Variants in ATP6V1H observed in about 807,000 individuals in gnomAD.
ATP6V1H encodes the protein ATPase H+ transporting V1 subunit H.
Under a neutral mutation model 71.7 loss-of-function variants are expected in ATP6V1H, and 39 were observed. The observed-to-expected ratio is 0.54, with a 90% confidence interval of 0.42 to 0.71. The LOEUF (loss-of-function observed/expected upper bound fraction) is 0.71. Among genes scored for constraint, ATP6V1H ranks in the 30% least tolerant of loss-of-function variants. The pLI is 0.00. For missense variants in ATP6V1H, 509 were observed against 594.9 expected, an observed-to-expected ratio of 0.86 and a Z score of 1.50; for synonymous variants, 192 against 199.3, an observed-to-expected ratio of 0.96 and a Z score of 0.31.
chr8:53,749,686 CT>C (rs1807727740), intron 12 of ATP6V1H, among the ~76,000 whole-genome samples: 1 of 150,870 alleles, frequency 6.6e-6, no homozygotes, highest in East Asian at 2.0e-4. Context: ...GATTACAAGC[CT>C]TGTAAAATGG....
At chr8:53,730,961 T>C (rs1806995024) in intron 13 of ATP6V1H, among the ~76,000 whole-genome samples, 1 of 152,152 alleles carries the variant, frequency 6.6e-6, no homozygotes, top group Non-Finnish European at 1.5e-5. Flanking sequence ...ATAAACCCCT[T>C]ACTTATTAAA....
chr8:53,748,459 C>A (rs1199017707), intron 12 of ATP6V1H, among the ~76,000 whole-genome samples: 1 of 152,092 alleles, frequency 6.6e-6, no homozygotes, highest in African/African-American at 2.4e-5. Flanking sequence ...AGCAAATAAC[C>A]AGAAATGTTC....
chr8:53,720,438 G>A (rs943813896), intron 13 of ATP6V1H, among the ~76,000 whole-genome samples: 4 of 152,176 alleles, frequency 2.6e-5, no homozygotes, highest in African/African-American at 7.2e-5. Context: ...GGCTTGACAG[G>A]GGCATTCTGA....
chr8:53,796,443 A>G (rs1435906778), intron 8 of ATP6V1H, among the ~76,000 whole-genome samples: 1 of 152,142 alleles, frequency 6.6e-6, no homozygotes, highest in African/African-American at 2.4e-5. Context: ...TATATACAAT[A>G]GAAGAAAAGC....
chr8:53,777,970 A>G (rs1808953603), intron 9 of ATP6V1H, among the ~76,000 whole-genome samples: 1 of 152,218 alleles, frequency 6.6e-6, no homozygotes, highest in South Asian at 2.1e-4. Context: ...TACTTCCATA[A>G]TATACATGAG....
At chr8:53,774,666 CA>C (rs985759120) in intron 9 of ATP6V1H, among the ~76,000 whole-genome samples, 1 of 150,682 alleles carries the variant, frequency 6.6e-6, no homozygotes, top group Admixed American at 6.6e-5. Context: ...CCTGAACGAA[CA>C]AAAGGTAGCA....
At chr8:53,777,141 G>A (rs998652505) in intron 9 of ATP6V1H, among the ~76,000 whole-genome samples, 3 of 152,152 alleles carry the variant, frequency 2.0e-5, no homozygotes, top group African/African-American at 7.2e-5. Context: ...AAGTAAAAAG[G>A]TGCAAATGTA....
chr8:53,733,478 C>T (rs1303517130), intron 13 of ATP6V1H, among the ~76,000 whole-genome samples: 3 of 152,148 alleles, frequency 2.0e-5, no homozygotes, highest in Admixed American at 6.5e-5. Context: ...CAACTGGGTG[C>T]GTCAAAGGAA....
At chr8:53,795,402 C>T (rs142994831) in intron 9 of ATP6V1H, among the ~76,000 whole-genome samples, 151 of 152,212 alleles carry the variant, frequency 9.9e-4, no homozygotes, top group African/African-American at 3.5e-3. Flanking sequence ...TGAACATAAT[C>T]CAATTGCATT....
At chr8:53,836,347 A>G (rs930661213) in intron 2 of ATP6V1H, among the ~76,000 whole-genome samples, 1 of 152,218 alleles carries the variant, frequency 6.6e-6, no homozygotes, top group African/African-American at 2.4e-5. Flanking sequence ...GTAACCTTAT[A>G]ATTTTGCAGC....
In ATP6V1H at chr8:53,730,905, A is replaced by T. The variant is rs1248557297; in HGVS notation, c.1391+12672T>A. 2.6e-5 allele frequency among the ~76,000 whole-genome samples: 4 copies of T among 152,182 alleles called. No homozygotes were observed. The South Asian group carries it at 6.2e-4, about 24-fold the overall frequency. ...GCTCTGGCTCTTTCATGATTTTGTTAGGCTCTGGACTCACCGACATCCACA... is the reference window on the plus strand; with the variant it reads ...GCTCTGGCTCTTTCATGATTTTGTTTGGCTCTGGACTCACCGACATCCACA... On this transcript the variant is annotated intron_variant, in intron 13 of 13. Transcript: ENST00000359530.
intron 13 of ATP6V1H, among the ~76,000 whole-genome samples, chr8:53,731,712 G>A (rs1807031765): frequency 6.6e-6 from 1 of 152,256 alleles, no homozygotes; most frequent in South Asian, 2.1e-4. Flanking sequence ...TGGTGTCAGA[G>A]GGGTTTTGTC....
rs558533795 is a variant in ATP6V1H, at chr8:53,816,664, C to T, written c.420+753G>A. ...TACAAAAATTAGATGGGCGTGGTGG[C>T]GCATGCCTGTAATCCCAGCTACTCA... On this transcript the variant is annotated intron_variant, in intron 5 of 13. Transcript: ENST00000359530. Among the ~76,000 whole-genome samples, 44 of 152,080 alleles carry T rather than the reference C, an allele frequency of 2.9e-4. No homozygotes were observed. In the Middle Eastern group the frequency reaches 0.01, roughly 35 times the overall value.
At chr8:53,732,227 TGTGA>T (rs1807049242) in intron 13 of ATP6V1H, among the ~76,000 whole-genome samples, 1 of 152,156 alleles carries the variant, frequency 6.6e-6, no homozygotes, top group African/African-American at 2.4e-5. Flanking sequence ...CTTCTTGTAG[TGTGA>T]GTGTTGTTTT....
chr8:53,821,058 C>T (rs1290312634), intron 4 of ATP6V1H, among the ~76,000 whole-genome samples: 2 of 139,308 alleles, frequency 1.4e-5, no homozygotes, highest in Non-Finnish European at 3.0e-5. Flanking sequence ...AAACAAACTG[C>T]ATCTCACCAG....
At chr8:53,739,862 C>T (rs1345089763) in intron 13 of ATP6V1H, among the ~76,000 whole-genome samples, 2 of 152,198 alleles carry the variant, frequency 1.3e-5, no homozygotes, top group Non-Finnish European at 2.9e-5. Context: ...CCTGCTCAGG[C>T]CTCCCAGCTG....
chr8:53,742,585 C>T (rs1420406117), intron 13 of ATP6V1H, among the ~76,000 whole-genome samples: 1 of 152,100 alleles, frequency 6.6e-6, no homozygotes, highest in Non-Finnish European at 1.5e-5. Flanking sequence ...GATTTGTACA[C>T]TTATCAGGGT....
chr8:53,767,447 CTG>C lies in ATP6V1H; in HGVS notation c.1175+2169_1175+2170del, dbSNP rs991565331. The stretch of plus-strand genomic sequence containing the variant: ...AAAGTATATATTAGTAATTCTCACA[CTG>C]TGTGTGACAGCAAACTCTAGTAACA... On this transcript the variant is annotated intron_variant, in intron 11 of 13. Coordinates refer to ENST00000359530, the MANE Select transcript of ATP6V1H (RefSeq NM_015941.4). 3.9e-5 allele frequency among the ~76,000 whole-genome samples: 6 copies of C among 152,124 alleles called. 1 individual carries two copies. Among genetic ancestry groups the C allele is most frequent in the Admixed American group, 3.9e-4 (6 of 15,280 alleles).
chr8:53,807,074 T>C (rs1408784194), intron 7 of ATP6V1H, among the ~76,000 whole-genome samples: 1 of 152,208 alleles, frequency 6.6e-6, no homozygotes, highest in African/African-American at 2.4e-5. Flanking sequence ...GCCTGCAGTA[T>C]GTGAATAACT....
Sources: gnomAD v4.1 joint callset for allele counts (sites outside exome capture counted in the v4.1 genomes callset) on GRCh38, gnomAD v4.1.1 for gene constraint, MANE v1.5 for transcripts, NCBI Gene and HGNC (gene_info 2026-07-23, HGNC 2026-07-21) for gene names.